The following NR3C1 variants were observed in gnomAD, a reference collection of about 807,000 sequenced individuals.
The protein encoded by NR3C1 is nuclear receptor subfamily 3 group C member 1.
In NR3C1, 14 loss-of-function variants were observed where a neutral mutation model predicts 74.0. The observed-to-expected ratio is 0.19, with a 90% CI of 0.12 to 0.30. The LOEUF (loss-of-function observed/expected upper bound fraction) is 0.30. Among genes scored for constraint, NR3C1 ranks in the 10% least tolerant of loss-of-function variants. NR3C1 has a pLI of 1.00. For missense variants in NR3C1, 695 were observed against 909.8 expected, an observed-to-expected ratio of 0.76 and a Z score of 3.04; for synonymous variants, 308 against 332.5, an observed-to-expected ratio of 0.93 and a Z score of 0.80.
intron 2 of NR3C1, 25 bp from the exon 3 acceptor site, chr5:143,314,193 A>G (rs757771329): frequency 6.2e-7 from 1 of 1,610,968 alleles, no homozygotes; most frequent in Admixed American, 1.7e-5. Flanking sequence ...GAACAGTGTT[A>G]TGATTTAACT....
chr5:143,381,036 T>C (rs560415273), intron 2 of NR3C1, among the ~76,000 whole-genome samples: 1 of 152,238 alleles, frequency 6.6e-6, no homozygotes, highest in South Asian at 2.1e-4. Context: ...TATGATCTTA[T>C]TGGAAAAGCC....
At chr5:143,429,583 T>A (rs1751708121) in intron 1 of NR3C1, among the ~76,000 whole-genome samples, 1 of 152,332 alleles carries the variant, frequency 6.6e-6, no homozygotes, top group East Asian at 1.9e-4. Flanking sequence ...GTCATGCACC[T>A]AGAACCTGGT....
chr5:143,324,271 T>G (rs1379514127), intron 2 of NR3C1, among the ~76,000 whole-genome samples: 1 of 152,224 alleles, frequency 6.6e-6, no homozygotes, highest in Non-Finnish European at 1.5e-5. Context: ...TCTAGGTGTT[T>G]CCATACGTCT....
intron 2 of NR3C1, among the ~76,000 whole-genome samples, chr5:143,392,736 T>C (rs565777378): frequency 4.7e-4 from 71 of 152,238 alleles, no homozygotes; most frequent in African/African-American, 1.6e-3. Flanking sequence ...TAATCATTAT[T>C]AGGTAAAAAA....
chr5:143,344,739 G>T (rs1451163506), intron 2 of NR3C1, among the ~76,000 whole-genome samples: 1 of 152,068 alleles, frequency 6.6e-6, no homozygotes, highest in South Asian at 2.1e-4. Flanking sequence ...CAGGTGTGGT[G>T]GCGGGCGCCT....
At chr5:143,285,680 TTAAA>T (rs1317501899) in intron 7 of NR3C1, among the ~76,000 whole-genome samples, 2 of 152,068 alleles carry the variant, frequency 1.3e-5, no homozygotes, top group Non-Finnish European at 2.9e-5. Flanking sequence ...GGCATCATGA[TTAAA>T]TAAGGTATCA....
intron 2 of NR3C1, among the ~76,000 whole-genome samples, chr5:143,387,428 T>C (rs10482626): frequency 0.017 from 2,543 of 152,328 alleles, 28 homozygotes; most frequent in Middle Eastern, 0.054. Flanking sequence ...ATTTATGTTA[T>C]TCTATTCTGT....
upstream of NR3C1, among the ~76,000 whole-genome samples, chr5:143,406,407 G>C (rs1176291833): frequency 1.5e-5 from 2 of 130,874 alleles, no homozygotes; most frequent in Non-Finnish European, 3.3e-5. Flanking sequence ...TTTTAATTGA[G>C]CAAAAAAAAA....
chr5:143,390,829 C>G (rs981186153), intron 2 of NR3C1, among the ~76,000 whole-genome samples: 1 of 152,132 alleles, frequency 6.6e-6, no homozygotes, highest in Non-Finnish European at 1.5e-5. Context: ...TTCTAAATAT[C>G]TGGCAATACT....
chr5:143,313,692 A>G (rs959842695), intron 3 of NR3C1, among the ~76,000 whole-genome samples: 7 of 152,196 alleles, frequency 4.6e-5, no homozygotes, highest in African/African-American at 1.4e-4. Flanking sequence ...TTCTAATACA[A>G]TGAACATTAT....
intron 7 of NR3C1, among the ~76,000 whole-genome samples, chr5:143,284,236 C>T (rs545435769): frequency 4.6e-5 from 7 of 152,194 alleles, no homozygotes; most frequent in African/African-American, 1.4e-4. Context: ...AGTAAGTCAC[C>T]ATGCCCAGCC....
intron 1 of NR3C1, among the ~76,000 whole-genome samples, chr5:143,415,492 G>T (rs1160311363): frequency 1.3e-5 from 2 of 152,040 alleles, no homozygotes; most frequent in Non-Finnish European, 2.9e-5. Flanking sequence ...AATCCTTTTT[G>T]TCTATACATG....
intron 2 of NR3C1, among the ~76,000 whole-genome samples, chr5:143,352,118 A>G (rs1830339460): frequency 6.6e-6 from 1 of 152,170 alleles, no homozygotes; most frequent in Non-Finnish European, 1.5e-5. Flanking sequence ...ACAATCACAC[A>G]CATGCACAAA....
intron 2 of NR3C1, among the ~76,000 whole-genome samples, chr5:143,341,453 T>C (rs1828208414): frequency 6.6e-6 from 1 of 152,152 alleles, no homozygotes; most frequent in Non-Finnish European, 1.5e-5. Flanking sequence ...GCAACTAGAA[T>C]GCCAGAAAGA....
At chr5:143,324,175 C>T (rs1824043928) in intron 2 of NR3C1, among the ~76,000 whole-genome samples, 1 of 152,238 alleles carries the variant, frequency 6.6e-6, no homozygotes, top group South Asian at 2.1e-4. Context: ...TGTGTGAGGG[C>T]TCCAATCCCA....
In NR3C1 at chr5:143,302,840, C is replaced by T. The variant is rs77499850; in HGVS notation, c.1469-2077G>A. On this transcript the variant is annotated intron_variant, in intron 4 of 8. Transcript: ENST00000394464. ...CTATTTTAAAGCAACTTAGTTAATA[C>T]AACTTTATATAAATTCCTGACCCAT... Among the ~76,000 whole-genome samples the T allele has an allele frequency of 3.3e-3, 508 of 152,136 alleles. 3 individuals are homozygous for T. Among genetic ancestry groups the T allele is most frequent in the Non-Finnish European group, 6.5e-3 (442 of 67,908 alleles).
At position 143,288,630 on chromosome 5, in the gene NR3C1, C is replaced by A. The variant is rs1042305657; in HGVS notation, c.2024-5905G>T. Among the ~76,000 whole-genome samples, 4 of 151,970 alleles carry A rather than the reference C, an allele frequency of 2.6e-5. No individual in the cohort carries two copies. The South Asian group carries it at 8.3e-4, about 32-fold the overall frequency. ...GGGACTACAGGCACAAGCTACCATG[C>A]CTGGCTAATTTTTTCTATTTTGTGT... is the stretch of plus-strand genomic sequence containing the variant. On this transcript the variant is annotated intron_variant, in intron 7 of 8. Transcript: ENST00000394464.
chr5:143,332,797 G>A (rs1328016788), intron 2 of NR3C1: 15 of 1,540,322 alleles, frequency 9.7e-6, no homozygotes, highest in Admixed American at 6.7e-5. Flanking sequence ...GATGGCGTGA[G>A]TTTACGGGTG....
chr5:143,332,880 C>A, intron 2 of NR3C1: 1 of 1,488,856 alleles, frequency 6.7e-7, no homozygotes, highest in East Asian at 2.3e-5. Flanking sequence ...CCCCTAGAAT[C>A]TAAAAATGCT....
Sources: gnomAD v4.1 joint callset for allele counts (sites outside exome capture counted in the v4.1 genomes callset) on GRCh38, gnomAD v4.1.1 for gene constraint, MANE v1.5 for transcripts, NCBI Gene and HGNC (gene_info 2026-07-23, HGNC 2026-07-21) for gene names.